The following TRIM33 variants were observed in gnomAD, a reference collection of about 807,000 sequenced individuals.
TRIM33 encodes tripartite motif containing 33.
A neutral mutation model predicts 125.4 loss-of-function variants in TRIM33; 20 were observed. The observed-to-expected ratio is 0.16, with a 90% CI of 0.11 to 0.23. The LOEUF (loss-of-function observed/expected upper bound fraction) is 0.23. Ranked by LOEUF, TRIM33 falls within the 10% of genes least tolerant of loss-of-function variation. The pLI is 1.00. For synonymous variants in TRIM33, 564 were observed against 513.9 expected, an observed-to-expected ratio of 1.10 and a Z score of -1.32; for missense variants, 920 against 1,411.4, an observed-to-expected ratio of 0.65 and a Z score of 5.58.
chr1:114,481,894 G>T (rs1030358489), intron 1 of TRIM33, among the ~76,000 whole-genome samples: 5 of 151,970 alleles, frequency 3.3e-5, no homozygotes, highest in Admixed American at 2.0e-4. Flanking sequence ...TAGTAGCTGA[G>T]GTTACAGATG....
chr1:114,401,538 AT>A, intron 16 of TRIM33, 75 bp from the exon 17 acceptor site: 1 of 1,265,452 alleles, frequency 7.9e-7, no homozygotes, highest in Non-Finnish European at 1.1e-6. Context: ...TGAGAACTAT[AT>A]CACAACAAAG....
chr1:114,414,062 C>CACAT (rs1652777099), intron 11 of TRIM33, among the ~76,000 whole-genome samples: 1 of 150,184 alleles, frequency 6.7e-6, no homozygotes, highest in Non-Finnish European at 1.5e-5. Flanking sequence ...CACACACACA[C>CACAT]ACACACACGT....
At chr1:114,474,610 G>A (rs1650863052) in intron 1 of TRIM33, among the ~76,000 whole-genome samples, 1 of 150,638 alleles carries the variant, frequency 6.6e-6, no homozygotes, top group Non-Finnish European at 1.5e-5. Context: ...AAGGCCAGGG[G>A]CAGTGGCTCA....
At chr1:114,411,197 C>T (rs570175537) in intron 11 of TRIM33, among the ~76,000 whole-genome samples, 6 of 152,102 alleles carry the variant, frequency 3.9e-5, no homozygotes, top group Admixed American at 1.3e-4. Flanking sequence ...TGCGCCACAA[C>T]GCCTGGCTAA....
In TRIM33 at chr1:114,510,995, C is replaced by A. The variant is rs1256803275; in HGVS notation, c.82G>T (p.Gly28Trp). The change falls in exon 1 of 20, where the codon GGG becomes TGG. Residue 28 changes from glycine to tryptophan, a missense_variant. This residue lies in a region of TRIM33 where 233 missense variants were observed against 189.6 expected (regional missense o/e 1.23). Coordinates refer to ENST00000358465, the MANE Select transcript of TRIM33 (RefSeq NM_015906.4). ...GSAPVTAGAA[G>W]PAAQEAEPPL... ...GGCTCCGCCTCCTGCGCGGCGGGCCCGGCGGCCCCGGCAGTTACCGGCGCG... is the reference window on the plus strand; with the variant it reads ...GGCTCCGCCTCCTGCGCGGCGGGCCAGGCGGCCCCGGCAGTTACCGGCGCG... The A allele has an allele frequency of 2.3e-6, 3 of 1,329,252 alleles. No individual in the cohort carries two copies. The highest frequency in any genetic ancestry group is 1.9e-6 in the Non-Finnish European group (2 of 1,042,144). The allele number at this position is 1,329,252 out of a possible 1,614,324, so 82.3% of individuals were successfully genotyped here. A position where few individuals can be genotyped will look rare whatever the true frequency, so the allele number is the denominator to read the frequency against.
intron 14 of TRIM33, 88 bp from the exon 15 acceptor site, chr1:114,405,847 T>C: frequency 6.1e-6 from 7 of 1,138,326 alleles, no homozygotes; most frequent in Non-Finnish European, 8.8e-6. Flanking sequence ...TGAATATGCA[T>C]ATAGATATAC....
intron 4 of TRIM33, among the ~76,000 whole-genome samples, chr1:114,439,979 T>C (rs1648554999): frequency 6.6e-6 from 1 of 152,218 alleles, no homozygotes; most frequent in Non-Finnish European, 1.5e-5. Context: ...GTTCACTATT[T>C]TGACTGTGAT....
chr1:114,510,445 T>C, intron 1 of TRIM33, 106 bp downstream of exon 1: 1 of 1,117,720 alleles, frequency 8.9e-7, no homozygotes, highest in South Asian at 1.9e-5. Context: ...CCCCTCGGGA[T>C]GGCGCCCGTC....
intron 1 of TRIM33, among the ~76,000 whole-genome samples, chr1:114,477,943 C>G (rs909803038): frequency 2.6e-5 from 4 of 151,986 alleles, no homozygotes; most frequent in Non-Finnish European, 2.9e-5. Flanking sequence ...AAGTTTACAA[C>G]AAAATGAAGG....
At position 114,433,678 on chromosome 1, in the gene TRIM33, G is replaced by A; in HGVS notation, c.979C>T (p.Leu327=). 6.2e-7 allele frequency: 1 copy of A among 1,612,590 alleles called. No individual in the cohort carries two copies. The highest frequency in any genetic ancestry group is 8.5e-7 in the Non-Finnish European group (1 of 1,179,332). ...TTCTTCTTCTCAAGAAGTTTCGCCA[G>A]TAGATTCTCAATTGCACCCTTCTGA... The part of the protein sequence containing the change: ...QNQKGAIENL[L]AKLLEKKNYV... Residue 327 remains leucine, a synonymous_variant, in exon 5 of 20, where the codon CTG becomes TTG. Coordinates refer to ENST00000358465, the MANE Select transcript of TRIM33 (RefSeq NM_015906.4).
At chr1:114,448,158 A>C (rs964210611) in intron 4 of TRIM33, among the ~76,000 whole-genome samples, 2 of 152,254 alleles carry the variant, frequency 1.3e-5, no homozygotes, top group Non-Finnish European at 2.9e-5. Flanking sequence ...TTTCTGAAAC[A>C]ATGTCATTGG....
At chr1:114,423,851 C>G (rs1375914880) in intron 10 of TRIM33, among the ~76,000 whole-genome samples, 1 of 152,106 alleles carries the variant, frequency 6.6e-6, no homozygotes, top group Non-Finnish European at 1.5e-5. Context: ...GTACTCCCCA[C>G]CTAGAAATTC....
chr1:114,460,689 C>T (rs1649924012), intron 4 of TRIM33, among the ~76,000 whole-genome samples: 1 of 143,180 alleles, frequency 7.0e-6, no homozygotes, highest in African/African-American at 2.6e-5. Flanking sequence ...AATTATTTCT[C>T]TATTGTTCTG....
At chr1:114,427,107 T>G (rs916672361) in intron 8 of TRIM33, 70 bp downstream of exon 8, 13 of 696,424 alleles carry the variant, frequency 1.9e-5, no homozygotes, top group Non-Finnish European at 3.2e-5. Context: ...TTTATCTAAA[T>G]TTGCTTTAAG....
chr1:114,482,527 G>T (rs1651423631), intron 1 of TRIM33, among the ~76,000 whole-genome samples: 1 of 152,170 alleles, frequency 6.6e-6, no homozygotes, highest in Admixed American at 6.5e-5. Flanking sequence ...AAAGAAAAGA[G>T]AGCACATTGT....
chr1:114,434,491 T>C (rs1648157960), intron 4 of TRIM33, among the ~76,000 whole-genome samples: 1 of 152,222 alleles, frequency 6.6e-6, no homozygotes, highest in Non-Finnish European at 1.5e-5. Context: ...CAGTTTTACT[T>C]TGTCAGCATG....
chr1:114,445,047 T>C (rs1193271867), intron 4 of TRIM33, among the ~76,000 whole-genome samples: 4 of 152,142 alleles, frequency 2.6e-5, no homozygotes, highest in East Asian at 1.9e-4. Flanking sequence ...CGTCACTGGA[T>C]GGACTTAGCA....
At chr1:114,433,508 C>CA (rs1241162648) in intron 5 of TRIM33, 109 bp downstream of exon 5, 4 of 643,322 alleles carry the variant, frequency 6.2e-6, no homozygotes, top group Admixed American at 3.0e-5. Context: ...ATTTCCCCCT[C>CA]AAAAAAATGT....
intron 1 of TRIM33, among the ~76,000 whole-genome samples, chr1:114,483,185 T>C (rs754327341): frequency 2.0e-5 from 3 of 152,014 alleles, no homozygotes; most frequent in Admixed American, 6.6e-5. Flanking sequence ...TGCACACTTG[T>C]AGTCCCAGCT....
Sources: allele counts gnomAD v4.1 joint callset (sites outside exome capture counted in the v4.1 genomes callset), GRCh38; gene constraint gnomAD v4.1.1; regional missense constraint gnomAD v4.1.1; transcripts MANE v1.5; gene names NCBI Gene and HGNC (gene_info 2026-07-23, HGNC 2026-07-21).